CUBN: variants seen among roughly 807,000 people sequenced by gnomAD.
CUBN encodes cubilin, also known as 460 kDa receptor.
CUBN carries 282 observed loss-of-function variants against 405.3 expected under a neutral mutation model. That is an observed-to-expected ratio of 0.70 (90% confidence interval 0.63 to 0.77). CUBN has a LOEUF of 0.77. CUBN is among the 30% of genes least tolerant of loss of function. The pLI is 0.00. For missense variants in CUBN, 4,514 were observed against 4,475.2 expected (o/e 1.01, Z -0.25); for synonymous variants, 1,684 against 1,617.0 (o/e 1.04, Z -0.99).
intron 31 of CUBN, among the ~76,000 whole-genome samples, chr10:16,978,620 T>A (rs1833169287): frequency 1.3e-5 from 2 of 152,216 alleles, no homozygotes; most frequent in Admixed American, 1.3e-4. Context: ...TTGGGTTAAA[T>A]TTGAAAGAAG....
chr10:17,039,587 G>A (rs574426650), intron 27 of CUBN, among the ~76,000 whole-genome samples: 5 of 152,058 alleles, frequency 3.3e-5, no homozygotes, highest in Non-Finnish European at 2.9e-5. Context: ...ACACAAACAA[G>A]GTCTCACCAT....
At chr10:17,114,421 C>A (rs1045522004) in intron 7 of CUBN, among the ~76,000 whole-genome samples, 14 of 152,046 alleles carry the variant, frequency 9.2e-5, no homozygotes, top group Admixed American at 4.6e-4. Flanking sequence ...CCCAAAGATG[C>A]CAGGGAAAGA....
chr10:16,878,835 G>A (rs1034186784), intron 56 of CUBN, among the ~76,000 whole-genome samples: 2 of 152,162 alleles, frequency 1.3e-5, no homozygotes, highest in Admixed American at 1.3e-4. Context: ...TTTTGTGGCT[G>A]GCTTCTTTCA....
At position 16,939,116 on chromosome 10, in the gene CUBN, A is replaced by G. The variant is rs980358703; in HGVS notation, c.5580T>C (p.His1860=). The stretch of plus-strand genomic sequence containing the variant: ...GCCAGAAAGGAGAGGCGACTTTCCC[A>G]TGAGTTCCCACAATATTATCATTGC... ...IFGNDNIVGT[H]GKVASPFWPE... Residue 1860 remains histidine (H), a synonymous_variant, in exon 38 of 67, where the codon CAT becomes CAC. Transcript: ENST00000377833. 1.9e-6 allele frequency: 3 copies of G among 1,613,934 alleles called. No homozygotes were observed. The highest frequency in any genetic ancestry group is 1.3e-5 in the African/African-American group (1 of 75,046).
intron 58 of CUBN, among the ~76,000 whole-genome samples, chr10:16,871,109 C>T (rs1411679323): frequency 6.6e-6 from 1 of 151,686 alleles, no homozygotes; most frequent in Non-Finnish European, 1.5e-5. Context: ...CTCACTGCAA[C>T]CTCTGCCTCC....
chr10:17,058,062 C>T (rs1453932959), intron 22 of CUBN, among the ~76,000 whole-genome samples: 1 of 152,012 alleles, frequency 6.6e-6, no homozygotes, highest in Non-Finnish European at 1.5e-5. Flanking sequence ...GCGGAGGTAG[C>T]AGTGAGCTGA....
At chr10:17,093,987 G>T (rs1477354263) in intron 14 of CUBN, among the ~76,000 whole-genome samples, 1 of 152,018 alleles carries the variant, frequency 6.6e-6, no homozygotes, top group African/African-American at 2.4e-5. Context: ...GAAAAAAGTG[G>T]CAATGCAATA....
chr10:16,853,193 T>C (rs1286028163), intron 59 of CUBN, among the ~76,000 whole-genome samples: 29 of 152,218 alleles, frequency 1.9e-4, no homozygotes, highest in Admixed American at 1.8e-3. Context: ...GAACAATTTA[T>C]TGACAATTTT....
chr10:17,044,346 A>T (rs1465005920), intron 25 of CUBN, among the ~76,000 whole-genome samples: 1 of 149,394 alleles, frequency 6.7e-6, no homozygotes, highest in Non-Finnish European at 1.5e-5. Flanking sequence ...GACATCACAA[A>T]AGAATAGCCA....
In CUBN at chr10:17,028,736, G is replaced by C. The variant is rs567006738; in HGVS notation, c.4018-8753C>G. On this transcript the variant is annotated intron_variant, in intron 27 of 66. Coordinates refer to ENST00000377833, the MANE Select transcript of CUBN (RefSeq NM_001081.4). ...ACTCTGTCTCAAAAAAAAAAAGAAA[G>C]AAAGAAAGAAAAAATAATAAATAAA... Among the ~76,000 whole-genome samples the C allele has an allele frequency of 4.0e-5, 6 of 150,596 alleles. No homozygotes were observed. The South Asian group carries it at 1.3e-3, about 32-fold the overall frequency.
At chr10:17,103,585 T>C (rs1347790312) in intron 12 of CUBN, among the ~76,000 whole-genome samples, 1 of 152,224 alleles carries the variant, frequency 6.6e-6, no homozygotes, top group Admixed American at 6.5e-5. Flanking sequence ...GTTGGTCTTG[T>C]CTCCTCAGCT....
chr10:16,894,328 G>T (rs369998675), intron 54 of CUBN, among the ~76,000 whole-genome samples: 267 of 151,532 alleles, frequency 1.8e-3, no homozygotes, highest in African/African-American at 5.9e-3. Flanking sequence ...TTTTTCTCTA[G>T]AAGTTTTATA....
At chr10:16,846,150 C>T (rs1025761664) in intron 60 of CUBN, among the ~76,000 whole-genome samples, 40 of 152,286 alleles carry the variant, frequency 2.6e-4, no homozygotes, top group African/African-American at 9.4e-4. Flanking sequence ...ATTGTGTAAG[C>T]TGAGGGAAGA....
At position 16,839,511 on chromosome 10, in the gene CUBN, A is replaced by G. The variant is rs560417657; in HGVS notation, c.10032+819T>C. 2.8e-3 allele frequency among the ~76,000 whole-genome samples: 398 copies of G among 142,294 alleles called. 3 individuals are homozygous for G. The highest frequency in any genetic ancestry group is 8.9e-3 in the African/African-American group (365 of 41,182). The allele number at this position is 142,294 out of a possible 152,430, so 93.4% of individuals were successfully genotyped here. The stretch of plus-strand genomic sequence containing the variant: ...CAGAGAAATGCAAATCAAAACCACA[A>G]TGAGATACCATCTCACACCAGTTAG... On this transcript the variant is annotated intron_variant, in intron 62 of 66. Coordinates refer to ENST00000377833, the MANE Select transcript of CUBN (RefSeq NM_001081.4).
At chr10:17,014,592 G>C (rs540891149) in intron 28 of CUBN, among the ~76,000 whole-genome samples, 26 of 152,336 alleles carry the variant, frequency 1.7e-4, no homozygotes, top group Non-Finnish European at 2.6e-4. Context: ...ATTAGGCCTA[G>C]ATATTTGGCC....
chr10:16,916,726 T>C (rs1442718402), intron 45 of CUBN, among the ~76,000 whole-genome samples: 1 of 152,192 alleles, frequency 6.6e-6, no homozygotes, highest in Non-Finnish European at 1.5e-5. Context: ...GTGACCATAT[T>C]ATAGTGAATC....
chr10:16,986,970 A>C lies in CUBN; in HGVS notation c.4351-2691T>G, dbSNP rs1588553487. Reference sequence around the variant, plus strand: ...TGGGTATGAGTTGGCTGGACCCAGAAGCCTCTAGAAGAATAAACACTGCCA... The same window carrying C: ...TGGGTATGAGTTGGCTGGACCCAGACGCCTCTAGAAGAATAAACACTGCCA... On this transcript the variant is annotated intron_variant, in intron 29 of 66. Coordinates refer to ENST00000377833, the MANE Select transcript of CUBN (RefSeq NM_001081.4). 2.0e-5 allele frequency among the ~76,000 whole-genome samples: 3 copies of C among 152,196 alleles called. No individual in the cohort carries two copies. In the East Asian group the frequency reaches 5.8e-4, roughly 29 times the overall value.
chr10:17,037,988 G>T (rs922499366), intron 27 of CUBN, among the ~76,000 whole-genome samples: 1 of 150,830 alleles, frequency 6.6e-6, no homozygotes, highest in Non-Finnish European at 1.5e-5. Flanking sequence ...ACCCAGGCTG[G>T]AATGCAATGG....
intron 6 of CUBN, among the ~76,000 whole-genome samples, chr10:17,120,273 A>G (rs1173642115): frequency 1.3e-5 from 2 of 152,234 alleles, no homozygotes; most frequent in Non-Finnish European, 2.9e-5. Flanking sequence ...TCTTATGCTC[A>G]TGCACCTTTT....
Sources: gnomAD v4.1 joint callset for allele counts (sites outside exome capture counted in the v4.1 genomes callset) on GRCh38, gnomAD v4.1.1 for gene constraint, MANE v1.5 for transcripts, NCBI Gene and HGNC (gene_info 2026-07-23, HGNC 2026-07-21) for gene names.